The following TMEM108 variants were observed in gnomAD, a reference collection of about 807,000 sequenced individuals.
TMEM108 encodes the protein cancer/testis antigen 124.
A neutral mutation model predicts 35.1 loss-of-function variants in TMEM108; 12 were observed. The ratio of observed to expected loss-of-function variants is 0.34; its 90% CI spans 0.22 to 0.55. The LOEUF (loss-of-function observed/expected upper bound fraction) is 0.55. TMEM108 is among the 20% of genes least tolerant of loss of function. The pLI, the probability that TMEM108 is intolerant of heterozygous loss-of-function variation, is 0.89. For synonymous variants in TMEM108, 287 were observed against 308.6 expected, an observed-to-expected ratio of 0.93 and a Z score of 0.73; for missense variants, 680 against 753.3, an observed-to-expected ratio of 0.90 and a Z score of 1.14.
chr3:133,110,785 C>T (rs1478374811), intron 2 of TMEM108, among the ~76,000 whole-genome samples: 1 of 152,212 alleles, frequency 6.6e-6, no homozygotes, highest in Non-Finnish European at 1.5e-5. Context: ...ATCAGAATCT[C>T]CTATAGGCTT....
At chr3:133,257,304 G>T (rs1418131617) in intron 3 of TMEM108, 1 of 152,132 alleles carries the variant, frequency 6.6e-6, no homozygotes, top group Non-Finnish European at 1.5e-5. Flanking sequence ...AGGCACCCTC[G>T]TAAAGAATTT....
intron 2 of TMEM108, among the ~76,000 whole-genome samples, chr3:133,155,740 T>C (rs139741501): frequency 5.6e-4 from 86 of 152,316 alleles, no homozygotes; most frequent in African/African-American, 2.0e-3. Flanking sequence ...AGATTCTGGA[T>C]ATTAGACCTT....
At chr3:133,336,685 T>G (rs565761767) in intron 3 of TMEM108, among the ~76,000 whole-genome samples, 2 of 151,930 alleles carry the variant, frequency 1.3e-5, no homozygotes, top group Admixed American at 6.5e-5. Flanking sequence ...AAAAGGGACT[T>G]TGTCTTTCAT....
intron 2 of TMEM108, among the ~76,000 whole-genome samples, chr3:133,100,171 T>C (rs1409548642): frequency 6.6e-6 from 1 of 152,208 alleles, no homozygotes; most frequent in Admixed American, 6.5e-5. Flanking sequence ...GGGAAACCTC[T>C]GATAAACCCA....
At chr3:133,394,938 T>A (rs985741114) in intron 5 of TMEM108, among the ~76,000 whole-genome samples, 2 of 152,214 alleles carry the variant, frequency 1.3e-5, no homozygotes, top group African/African-American at 4.8e-5. Flanking sequence ...TATAGTTGAG[T>A]CTTTGTCCTG....
At chr3:133,167,739 A>G (rs1180116111) in intron 2 of TMEM108, among the ~76,000 whole-genome samples, 3 of 152,050 alleles carry the variant, frequency 2.0e-5, no homozygotes, top group African/African-American at 7.2e-5. Context: ...GCCCGTGAGC[A>G]CCGCATGCAG....
chr3:133,181,636 A>G (rs941636774), intron 2 of TMEM108, among the ~76,000 whole-genome samples: 4 of 152,198 alleles, frequency 2.6e-5, no homozygotes, highest in Non-Finnish European at 4.4e-5. Flanking sequence ...TAAATGGAAC[A>G]TATGGGGGGT....
At chr3:133,302,659 A>T (rs1947245630) in intron 3 of TMEM108, among the ~76,000 whole-genome samples, 1 of 151,728 alleles carries the variant, frequency 6.6e-6, no homozygotes. Context: ...TGACCTCATG[A>T]TCCTCCCGCC....
intron 3 of TMEM108, among the ~76,000 whole-genome samples, chr3:133,293,472 A>C (rs1420624541): frequency 6.6e-6 from 1 of 151,626 alleles, no homozygotes; most frequent in East Asian, 2.0e-4. Context: ...AGGTTTGGAC[A>C]CTGTCCAGTA....
At chr3:133,315,474 G>A (rs1272282493) in intron 3 of TMEM108, among the ~76,000 whole-genome samples, 1 of 152,136 alleles carries the variant, frequency 6.6e-6, no homozygotes, top group Non-Finnish European at 1.5e-5. Flanking sequence ...GAAATGCTTG[G>A]CCCCTCACCC....
rs142844774 is a variant in TMEM108 at position 133,380,026 on chromosome 3, C to T, written c.315C>T (p.Thr105=). ...HTISTIAATV[T]APHSESSLST... ...TCTCCACCATCGCTGCGACAGTAAC[C>T]GCCCCCCATTCTGAAAGCTCCCTGT... The change falls in exon 4 of 6, where the codon ACC becomes ACT. Residue 105 remains threonine, a synonymous_variant. Transcript: ENST00000321871. The surrounding 1 kb of genome is among the most constrained non-coding windows in gnomAD (Gnocchi z 5.3). The T allele has an allele frequency of 2.7e-4, 439 of 1,613,996 alleles. No homozygotes were observed. The African/African-American group carries it at 3.7e-3, about 14-fold the overall frequency.
Position 133,054,192 on chromosome 3 carries a change from A to G in TMEM108, c.-47+8172A>G, listed in dbSNP as rs538572738. ...AATATAAATAGTATTTGTGGGTTAT[A>G]TAGACAACAAAGAACTGGAAGATTA... On this transcript the variant is annotated intron_variant, in intron 2 of 5. Transcript: ENST00000321871. Among the ~76,000 whole-genome samples the G allele has an allele frequency of 5.3e-5, 8 of 152,338 alleles. No homozygotes were observed. The East Asian group carries it at 7.7e-4, about 15-fold the overall frequency.
intron 3 of TMEM108, among the ~76,000 whole-genome samples, chr3:133,230,515 G>T (rs1464362412): frequency 3.3e-5 from 5 of 152,172 alleles, no homozygotes; most frequent in Non-Finnish European, 5.9e-5. Flanking sequence ...GTTTGTTAAA[G>T]AATAGGCTTT....
At chr3:133,384,267 C>T (rs2073088228) in intron 4 of TMEM108, among the ~76,000 whole-genome samples, 1 of 124,566 alleles carries the variant, frequency 8.0e-6, no homozygotes, top group Non-Finnish European at 1.8e-5. Flanking sequence ...CATCAGTTTC[C>T]TCTCATCTGG....
At chr3:133,358,168 T>C (rs960012230) in intron 3 of TMEM108, among the ~76,000 whole-genome samples, 1 of 24,146 alleles carries the variant, frequency 4.1e-5, no homozygotes, top group African/African-American at 9.2e-5. Context: ...GAGTCTATGG[T>C]CTTTTTTTTT....
chr3:133,264,645 T>G (rs1314974779), intron 3 of TMEM108, among the ~76,000 whole-genome samples: 1 of 152,196 alleles, frequency 6.6e-6, no homozygotes, highest in Non-Finnish European at 1.5e-5. Context: ...TCTAAGTGCA[T>G]GCACTGGCTT....
intron 2 of TMEM108, among the ~76,000 whole-genome samples, chr3:133,182,286 A>G (rs144514925): frequency 1.3e-5 from 2 of 152,334 alleles, no homozygotes; most frequent in East Asian, 1.9e-4. Context: ...AATATAAAAG[A>G]TGAAATTTTG....
chr3:133,390,369 G>A, intron 5 of TMEM108, 35 bp downstream of exon 5: 1 of 1,610,340 alleles, frequency 6.2e-7, no homozygotes, highest in South Asian at 1.1e-5. Context: ...CCACTGCAGG[G>A]AAACCAGGTC....
At chr3:133,314,676 G>T (rs190165589) in intron 3 of TMEM108, among the ~76,000 whole-genome samples, 66 of 152,290 alleles carry the variant, frequency 4.3e-4, no homozygotes, top group African/African-American at 1.5e-3. Context: ...GATTGTTTGG[G>T]ATCTGCTGGT....
Sources: allele counts gnomAD v4.1 joint callset (sites outside exome capture counted in the v4.1 genomes callset), GRCh38; gene constraint gnomAD v4.1.1; non-coding constraint Gnocchi (gnomAD v3.1); transcripts MANE v1.5; gene names NCBI Gene and HGNC (gene_info 2026-07-23, HGNC 2026-07-21).